ABHD17C: variants seen among roughly 807,000 people sequenced by gnomAD.
ABHD17C encodes alpha/beta hydrolase domain-containing protein 17C.
ABHD17C carries 11 observed loss-of-function variants against 27.9 expected under a neutral mutation model. The ratio of observed to expected loss-of-function variants is 0.39; its 90% CI spans 0.25 to 0.65. ABHD17C has a LOEUF of 0.65. Ranked by LOEUF, ABHD17C falls within the 30% of genes least tolerant of loss-of-function variation. ABHD17C has a pLI of 0.45. For synonymous variants in ABHD17C, 233 were observed against 209.1 expected, an observed-to-expected ratio of 1.11 and a Z score of -0.98; for missense variants, 280 against 470.2, an observed-to-expected ratio of 0.60 and a Z score of 3.74.
At chr15:80,719,595 G>A (rs1242596004) in intron 1 of ABHD17C, among the ~76,000 whole-genome samples, 1 of 152,174 alleles carries the variant, frequency 6.6e-6, no homozygotes, top group Non-Finnish European at 1.5e-5. Context: ...ATGGGGATAT[G>A]TGTTATGCTA....
In ABHD17C at chr15:80,732,472, G is replaced by A. The variant is rs144851402; in HGVS notation, c.591-17041G>A. Among the ~76,000 whole-genome samples, 502 of 152,244 alleles carry A rather than the reference G, an allele frequency of 3.3e-3. 1 individual carries two copies. Among genetic ancestry groups the A allele is most frequent in the Non-Finnish European group, 5.1e-3 (348 of 68,016 alleles). On this transcript the variant is annotated intron_variant, in intron 1 of 2. Coordinates refer to ENST00000258884, the MANE Select transcript of ABHD17C (RefSeq NM_021214.2). ...GTTTCCTTCTCTATGAAATAAAGTGGACCATCTGTGTGATTCTCTAAGGGC... is the reference window on the plus strand; with the variant it reads ...GTTTCCTTCTCTATGAAATAAAGTGAACCATCTGTGTGATTCTCTAAGGGC...
intron 1 of ABHD17C, among the ~76,000 whole-genome samples, chr15:80,718,680 T>A (rs1448426769): frequency 6.6e-6 from 1 of 152,172 alleles, no homozygotes; most frequent in African/African-American, 2.4e-5. Flanking sequence ...CAATATCTCC[T>A]TGCCACTGAC....
At position 80,754,531 on chromosome 15, in the gene ABHD17C, C is replaced by G. The variant is rs946652965; in HGVS notation, c.*161C>G. 3.2e-6 allele frequency: 2 copies of G among 626,944 alleles called. No homozygotes were observed. The highest frequency in any genetic ancestry group is 5.5e-6 in the Non-Finnish European group (2 of 364,000). 38.8% of individuals were successfully genotyped at this position (626,944 alleles called of 1,614,324 possible). ...CTGATGAAATCTCAGTCTTTTGTATCTAGAGGTGGTTCTGCTAATTCACAC... is the reference window on the plus strand; with the variant it reads ...CTGATGAAATCTCAGTCTTTTGTATGTAGAGGTGGTTCTGCTAATTCACAC... On this transcript the variant is annotated 3_prime_UTR_variant, in exon 3 of 3. Transcript: ENST00000258884.
chr15:80,739,362 T>C (rs1424543283), intron 1 of ABHD17C, among the ~76,000 whole-genome samples: 2 of 152,180 alleles, frequency 1.3e-5, no homozygotes, highest in Non-Finnish European at 2.9e-5. Context: ...GTTTTATATG[T>C]ATTTTAAATC....
chr15:80,700,458 G>T (rs1489131150), intron 1 of ABHD17C, among the ~76,000 whole-genome samples: 1 of 152,082 alleles, frequency 6.6e-6, no homozygotes, highest in Non-Finnish European at 1.5e-5. Flanking sequence ...AGAGGCGTTT[G>T]GTAATGTGGG....
At chr15:80,717,924 G>A (rs867004835) in intron 1 of ABHD17C, among the ~76,000 whole-genome samples, 1 of 152,126 alleles carries the variant, frequency 6.6e-6, no homozygotes, top group African/African-American at 2.4e-5. Context: ...GCTGCTGCTC[G>A]CCTAACGGAA....
At chr15:80,750,117 A>C (rs73500878) in intron 2 of ABHD17C, among the ~76,000 whole-genome samples, 2,091 of 152,306 alleles carry the variant, frequency 0.014, 35 homozygotes, top group African/African-American at 0.048. Context: ...TCAAGCAAGC[A>C]CAGTTTGGAA....
At chr15:80,723,722 T>C (rs1417509332) in intron 1 of ABHD17C, among the ~76,000 whole-genome samples, 1 of 152,156 alleles carries the variant, frequency 6.6e-6, no homozygotes, top group African/African-American at 2.4e-5. Context: ...TTGCCACAGG[T>C]TTCCTGGGGC....
intron 1 of ABHD17C, among the ~76,000 whole-genome samples, chr15:80,700,633 C>A (rs1454389559): frequency 1.3e-5 from 2 of 152,136 alleles, no homozygotes; most frequent in African/African-American, 2.4e-5. Flanking sequence ...TGTGGCGGCT[C>A]ATACCTGTAA....
intron 1 of ABHD17C, among the ~76,000 whole-genome samples, chr15:80,716,712 C>T (rs1319675011): frequency 6.6e-6 from 1 of 152,200 alleles, no homozygotes; most frequent in Non-Finnish European, 1.5e-5. Flanking sequence ...GAATTCCCTA[C>T]AGAACCTAAC....
chr15:80,705,367 G>GTGTGTGTGT (rs57722326), intron 1 of ABHD17C, among the ~76,000 whole-genome samples: 16 of 150,252 alleles, frequency 1.1e-4, no homozygotes, highest in Middle Eastern at 3.4e-3. Context: ...GTGTGTGTGT[G>GTGTGTGTGT]GTTAGGAGCA....
At chr15:80,732,517 G>A (rs1194127684) in intron 1 of ABHD17C, among the ~76,000 whole-genome samples, 3 of 152,022 alleles carry the variant, frequency 2.0e-5, no homozygotes, top group South Asian at 2.1e-4. Flanking sequence ...TCTATCCTGT[G>A]TTTGGTATAT....
intron 1 of ABHD17C, among the ~76,000 whole-genome samples, chr15:80,723,525 A>G (rs1023205156): frequency 3.3e-5 from 5 of 152,254 alleles, no homozygotes; most frequent in African/African-American, 9.6e-5. Flanking sequence ...GTAATTTACC[A>G]TGGATAGTAT....
intron 1 of ABHD17C, among the ~76,000 whole-genome samples, chr15:80,715,028 A>T (rs2170880): frequency 3.9e-5 from 6 of 152,140 alleles, no homozygotes; most frequent in Non-Finnish European, 8.8e-5. Flanking sequence ...TGATCCGCCC[A>T]CCTCGGCCTC....
At chr15:80,704,139 G>A (rs138565415) in intron 1 of ABHD17C, among the ~76,000 whole-genome samples, 45 of 152,302 alleles carry the variant, frequency 3.0e-4, no homozygotes, top group African/African-American at 1.1e-3. Flanking sequence ...CTGGTGGCCA[G>A]GAACCCACTA....
chr15:80,738,522 C>T (rs561663703), intron 1 of ABHD17C, among the ~76,000 whole-genome samples: 1 of 152,254 alleles, frequency 6.6e-6, no homozygotes, highest in East Asian at 1.9e-4. Context: ...TGTAGCCCAC[C>T]ACAAAGCAAC....
At chr15:80,738,193 G>A (rs1895160110) in intron 1 of ABHD17C, among the ~76,000 whole-genome samples, 1 of 152,132 alleles carries the variant, frequency 6.6e-6, no homozygotes, top group South Asian at 2.1e-4. Context: ...CAGAGTGTAT[G>A]CTGTTAGCGT....
intron 1 of ABHD17C, among the ~76,000 whole-genome samples, chr15:80,701,553 C>G (rs1051790410): frequency 6.6e-6 from 1 of 151,842 alleles, no homozygotes; most frequent in Non-Finnish European, 1.5e-5. Context: ...GTGGCAGGCA[C>G]CTATAATCCC....
chr15:80,746,431 TTC>T (rs1298149060), intron 1 of ABHD17C, among the ~76,000 whole-genome samples: 2 of 152,166 alleles, frequency 1.3e-5, no homozygotes, highest in Admixed American at 6.5e-5. Context: ...ATGTAATACT[TTC>T]TGTCTTTTTT....
Sources: gnomAD v4.1 joint callset for allele counts (sites outside exome capture counted in the v4.1 genomes callset) on GRCh38, gnomAD v4.1.1 for gene constraint, MANE v1.5 for transcripts, NCBI Gene and HGNC (gene_info 2026-07-23, HGNC 2026-07-21) for gene names.